ST7: variants seen among roughly 807,000 people sequenced by gnomAD.
The protein encoded by ST7 is suppressor of tumorigenicity 7 protein.
A neutral mutation model predicts 78.7 loss-of-function variants in ST7; 28 were observed. The observed-to-expected ratio is 0.36, with a 90% CI of 0.26 to 0.49. The LOEUF is 0.49. Ranked by LOEUF, ST7 falls within the 20% of genes least tolerant of loss-of-function variation. ST7 has a pLI of 0.99. For synonymous variants in ST7, 247 were observed against 249.6 expected, an observed-to-expected ratio of 0.99 and a Z score of 0.10; for missense variants, 418 against 696.0, an observed-to-expected ratio of 0.60 and a Z score of 4.49.
At position 117,222,738 on chromosome 7, in the gene ST7, CA is replaced by C; in HGVS notation, c.1638+679del. On this transcript the variant is annotated intron_variant, in intron 15 of 15. Coordinates refer to ENST00000323984, the MANE Select transcript of ST7 (RefSeq NM_001369598.1). ...TACTGATCTTGCCACAGATGAGTTT[CA>C]AACAGAAGGAATAAGGAAAACAGTA... 1.4e-5 allele frequency: 11 copies of C among 796,788 alleles called. No individual in the cohort carries two copies. The South Asian group carries it at 1.7e-4, about 13-fold the overall frequency. The allele number at this position is 796,788 out of a possible 1,614,324, so 49.4% of individuals were successfully genotyped here.
chr7:116,955,174 C>A (rs747913847), intron 1 of ST7: 19 of 460,632 alleles, frequency 4.1e-5, no homozygotes, highest in Non-Finnish European at 7.6e-5. Context: ...AGGATACCTT[C>A]TGGTCTCAAA....
intron 1 of ST7, among the ~76,000 whole-genome samples, chr7:116,955,807 T>C (rs1040033375): frequency 6.6e-6 from 1 of 152,212 alleles, no homozygotes; most frequent in African/African-American, 2.4e-5. Context: ...AATTTAAATC[T>C]AGCATTTCTC....
At chr7:117,113,042 G>C (rs75328922) in intron 2 of ST7, among the ~76,000 whole-genome samples, 1,624 of 152,322 alleles carry the variant, frequency 0.011, 33 homozygotes, top group African/African-American at 0.036. Context: ...TGAAGAAGGT[G>C]AATGAGCTAA....
At chr7:117,093,731 A>G (rs1007480273) in intron 1 of ST7, among the ~76,000 whole-genome samples, 5 of 152,200 alleles carry the variant, frequency 3.3e-5, no homozygotes, top group African/African-American at 9.6e-5. Context: ...AAAAAAAATC[A>G]AAAGAAAAAC....
intron 12 of ST7, among the ~76,000 whole-genome samples, chr7:117,195,177 C>G (rs1002315942): frequency 6.6e-6 from 1 of 151,512 alleles, no homozygotes; most frequent in Non-Finnish European, 1.5e-5. Flanking sequence ...GCATAGGGCT[C>G]TTAACATGGA....
chr7:116,975,902 G>T (rs1244208981), intron 1 of ST7, among the ~76,000 whole-genome samples: 4 of 151,946 alleles, frequency 2.6e-5, no homozygotes, highest in Admixed American at 1.3e-4. Context: ...CAACTTTACT[G>T]GGTATTGCCA....
chr7:117,038,807 TAA>T (rs2116261782), intron 1 of ST7, among the ~76,000 whole-genome samples: 1 of 152,296 alleles, frequency 6.6e-6, no homozygotes, highest in East Asian at 1.9e-4. Flanking sequence ...GCTGTGTCTT[TAA>T]AGCAGAGTGC....
intron 12 of ST7, among the ~76,000 whole-genome samples, chr7:117,209,306 G>A (rs1021486118): frequency 1.3e-5 from 2 of 152,168 alleles, no homozygotes; most frequent in African/African-American, 4.8e-5. Context: ...CTGAGCAGCT[G>A]TGGGTGGCTC....
intron 1 of ST7, chr7:116,972,121 T>C: frequency 1.8e-6 from 1 of 546,914 alleles, no homozygotes; most frequent in Non-Finnish European, 3.6e-6. Flanking sequence ...TCAGGCAGAG[T>C]CAGGGTCAGA....
At chr7:117,163,108 T>G (rs1025523136) in intron 9 of ST7, among the ~76,000 whole-genome samples, 1 of 152,222 alleles carries the variant, frequency 6.6e-6, no homozygotes, top group Non-Finnish European at 1.5e-5. Context: ...TGATTGGATT[T>G]TATTCTTTTT....
intron 1 of ST7, among the ~76,000 whole-genome samples, chr7:117,066,764 CAAAAAAAAA>C (rs35246518): frequency 1.3e-5 from 1 of 74,736 alleles, no homozygotes; most frequent in South Asian, 5.3e-4. Context: ...GACTCCGTCT[CAAAAAAAAA>C]AAAAAAAAAA....
rs192756699 is a variant in ST7 at position 116,998,014 on chromosome 7, C to T, written c.151+44323C>T. Among the ~76,000 whole-genome samples the T allele has an allele frequency of 2.2e-3, 339 of 152,340 alleles. 4 individuals carry two copies. The highest frequency in any genetic ancestry group is 8.3e-4 in the South Asian group (4 of 4,828). On this transcript the variant is annotated intron_variant, in intron 1 of 15. Transcript: ENST00000323984. ...GTGCCCTCGCTCCTCAGCACTTGGA[C>T]GGTCGATGGGACCAGGTGCCGTGGA...
intron 1 of ST7, among the ~76,000 whole-genome samples, chr7:116,969,075 T>C (rs1793285680): frequency 6.6e-6 from 1 of 152,268 alleles, no homozygotes; most frequent in Non-Finnish European, 1.5e-5. Context: ...AGTGTTCATA[T>C]TGCTTTCTCT....
chr7:116,965,383 A>G (rs1793056670), intron 1 of ST7, among the ~76,000 whole-genome samples: 1 of 151,624 alleles, frequency 6.6e-6, no homozygotes, highest in African/African-American at 2.4e-5. Flanking sequence ...AGGGAGGGGA[A>G]CATCACACAT....
At chr7:117,134,945 A>T (rs954147331) in intron 7 of ST7, among the ~76,000 whole-genome samples, 7 of 152,088 alleles carry the variant, frequency 4.6e-5, no homozygotes, top group African/African-American at 1.7e-4. Context: ...TAGTAGCCCC[A>T]GCCCTTACAT....
chr7:117,093,741 C>T (rs1286746755), intron 1 of ST7, among the ~76,000 whole-genome samples: 2 of 152,110 alleles, frequency 1.3e-5, no homozygotes, highest in Non-Finnish European at 2.9e-5. Context: ...AAAAGAAAAA[C>T]AGCCGTCATA....
intron 1 of ST7, among the ~76,000 whole-genome samples, chr7:116,988,659 G>A (rs1794289860): frequency 6.6e-6 from 1 of 152,050 alleles, no homozygotes; most frequent in Non-Finnish European, 1.5e-5. Context: ...AATAATTGAA[G>A]GTAGTGATTA....
At chr7:117,060,342 T>C (rs1798286700) in intron 1 of ST7, among the ~76,000 whole-genome samples, 1 of 152,176 alleles carries the variant, frequency 6.6e-6, no homozygotes, top group African/African-American at 2.4e-5. Flanking sequence ...AGGTAACTCA[T>C]GACTGCAAAG....
intron 10 of ST7, among the ~76,000 whole-genome samples, chr7:117,187,112 G>C (rs1367019869): frequency 1.3e-5 from 2 of 152,184 alleles, no homozygotes; most frequent in African/African-American, 2.4e-5. Flanking sequence ...TCCCTCCTTA[G>C]AGGCAAATTG....
Sources: gnomAD v4.1 joint callset for allele counts (sites outside exome capture counted in the v4.1 genomes callset) on GRCh38, gnomAD v4.1.1 for gene constraint, MANE v1.5 for transcripts, NCBI Gene and HGNC (gene_info 2026-07-23, HGNC 2026-07-21) for gene names.